TRPM3: variants seen among roughly 807,000 people sequenced by gnomAD.
The protein encoded by TRPM3 is transient receptor potential cation channel subfamily M member 3, also known as long transient receptor potential channel 3.
Under a neutral mutation model 181.2 loss-of-function variants are expected in TRPM3, and 77 were observed. That is an observed-to-expected ratio of 0.42 (90% CI 0.35 to 0.51). The LOEUF is 0.51. TRPM3 is among the 20% of genes least tolerant of loss of function. The pLI, the probability that TRPM3 is intolerant of heterozygous loss-of-function variation, is 0.01. For synonymous variants in TRPM3, 745 were observed against 796.4 expected (o/e 0.94, Z 1.09); for missense variants, 1,759 against 2,196.7 (o/e 0.80, Z 3.98).
chr9:71,016,958 C>T (rs758746013), intron 1 of TRPM3, among the ~76,000 whole-genome samples: 4 of 152,100 alleles, frequency 2.6e-5, no homozygotes, highest in Non-Finnish European at 4.4e-5. Flanking sequence ...AAAGTGGTAT[C>T]TCACTGCAGA....
At chr9:70,784,452 C>A (rs1411064149) in intron 6 of TRPM3, among the ~76,000 whole-genome samples, 173 bp from the exon 7 acceptor site, 1 of 152,082 alleles carries the variant, frequency 6.6e-6, no homozygotes, top group Non-Finnish European at 1.5e-5. Context: ...AACCCTTCAG[C>A]CAAATTTTCC....
chr9:71,010,402 A>C (rs538826151), intron 1 of TRPM3, among the ~76,000 whole-genome samples: 1 of 152,192 alleles, frequency 6.6e-6, no homozygotes, highest in South Asian at 2.1e-4. Flanking sequence ...ACAAACAAAA[A>C]AACAAAACAA....
intron 25 of TRPM3, among the ~76,000 whole-genome samples, chr9:70,538,909 C>T (rs1395800137): frequency 6.6e-5 from 10 of 152,162 alleles, no homozygotes; most frequent in Admixed American, 3.3e-4. Context: ...TTTTCACTTG[C>T]TCAAATTAAC....
In TRPM3 at chr9:70,543,554, G is replaced by C. The variant is rs2044061013; in HGVS notation, c.3707+5988C>G. Among the ~76,000 whole-genome samples the C allele has an allele frequency of 1.3e-5, 2 of 151,918 alleles. 1 individual carries two copies. The highest frequency in any genetic ancestry group is 4.1e-4 in the South Asian group (2 of 4,820). On this transcript the variant is annotated intron_variant, in intron 25 of 25. Transcript: ENST00000677713. ...ACTCTTTATGTCCATGAACTTAATT[G>C]ATTTGATTTTTAGATCCCACAAATA... is the stretch of plus-strand genomic sequence containing the variant.
chr9:70,538,619 G>A (rs2042417097), intron 25 of TRPM3, among the ~76,000 whole-genome samples: 2 of 151,864 alleles, frequency 1.3e-5, no homozygotes, highest in African/African-American at 4.8e-5. Flanking sequence ...GTAGAGACAG[G>A]GGCTTGCTGT....
At chr9:70,931,038 C>T (rs924705201) in intron 1 of TRPM3, among the ~76,000 whole-genome samples, 1 of 151,858 alleles carries the variant, frequency 6.6e-6, no homozygotes, top group Non-Finnish European at 1.5e-5. Flanking sequence ...TAAAGAGTGG[C>T]TTTTTTTGTT....
At chr9:70,951,081 A>T (rs1014941239) in intron 1 of TRPM3, among the ~76,000 whole-genome samples, 3 of 151,954 alleles carry the variant, frequency 2.0e-5, no homozygotes, top group African/African-American at 7.3e-5. Flanking sequence ...TTTAAAGGGT[A>T]TAGTGACAGA....
intron 5 of TRPM3, among the ~76,000 whole-genome samples, chr9:70,833,350 T>C (rs1384455488): frequency 6.6e-6 from 1 of 152,186 alleles, no homozygotes; most frequent in Non-Finnish European, 1.5e-5. Flanking sequence ...CATTACCTAC[T>C]GAATTATGAA....
chr9:71,097,165 G>A (rs2067443343), intron 1 of TRPM3, among the ~76,000 whole-genome samples: 1 of 151,736 alleles, frequency 6.6e-6, no homozygotes, highest in South Asian at 2.1e-4. Flanking sequence ...AATGCTCTAT[G>A]CTTATTAAAA....
intron 1 of TRPM3, among the ~76,000 whole-genome samples, chr9:70,987,627 T>C (rs2097434481): frequency 6.6e-6 from 1 of 152,074 alleles, no homozygotes. Context: ...TTCAAAGAGG[T>C]TCTTTCTGTC....
At chr9:70,688,245 AATTCT>A (rs2067499767) in intron 8 of TRPM3, among the ~76,000 whole-genome samples, 1 of 152,238 alleles carries the variant, frequency 6.6e-6, no homozygotes, top group East Asian at 1.9e-4. Flanking sequence ...TAAAGCTAAA[AATTCT>A]TAGCAGGGCA....
chr9:70,858,939 G>A (rs903040484), intron 3 of TRPM3, among the ~76,000 whole-genome samples: 1 of 152,140 alleles, frequency 6.6e-6, no homozygotes, highest in South Asian at 2.1e-4. Context: ...GAAGGTCAGG[G>A]GCGGGTATGT....
chr9:70,819,901 G>A (rs918841905), intron 6 of TRPM3, among the ~76,000 whole-genome samples: 1 of 152,078 alleles, frequency 6.6e-6, no homozygotes, highest in Non-Finnish European at 1.5e-5. Flanking sequence ...CAATCAAATG[G>A]AGCCTGAAGA....
rs1364470901 is a variant in TRPM3, at chr9:70,810,193, C to G, written c.973+17654G>C. On this transcript the variant is annotated intron_variant, in intron 6 of 25. Coordinates refer to ENST00000677713, the MANE Select transcript of TRPM3 (RefSeq NM_001366145.2). ...GAGGTCCTCTGCTTGCCTCCACCCC[C>G]ACCCTCCTCTCCATCACCCTGTCCT... 4 of 425,576 alleles carry G rather than the reference C, an allele frequency of 9.4e-6. No individual in the cohort carries two copies. In the Admixed American group the frequency reaches 9.9e-5, roughly 11 times the overall value. 26.4% of individuals were successfully genotyped at this position (425,576 alleles called of 1,614,324 possible).
upstream of TRPM3, among the ~76,000 whole-genome samples, chr9:71,124,707 G>T (rs1043967041): frequency 2.0e-5 from 3 of 152,068 alleles, no homozygotes; most frequent in Non-Finnish European, 2.9e-5. Context: ...TGAAGACCAC[G>T]TTCCTTCTCT....
intron 1 of TRPM3, among the ~76,000 whole-genome samples, chr9:71,226,939 C>T (rs2080705857): frequency 6.6e-6 from 1 of 151,802 alleles, no homozygotes; most frequent in African/African-American, 2.4e-5. Flanking sequence ...GCAGAGTACA[C>T]ATTCTTCTTC....
intron 9 of TRPM3, among the ~76,000 whole-genome samples, chr9:70,646,593 A>G (rs940266298): frequency 3.9e-5 from 6 of 152,136 alleles, no homozygotes; most frequent in Admixed American, 3.9e-4. Context: ...GGGGAGGGAT[A>G]GCATTAGGAG....
intron 9 of TRPM3, among the ~76,000 whole-genome samples, chr9:70,647,918 A>C (rs1688482979): frequency 6.6e-6 from 1 of 152,220 alleles, no homozygotes; most frequent in Admixed American, 6.5e-5. Flanking sequence ...TGAGAGACAA[A>C]TCAAGAATGC....
chr9:71,080,488 T>C (rs553727708), intron 1 of TRPM3, among the ~76,000 whole-genome samples: 44 of 152,302 alleles, frequency 2.9e-4, no homozygotes, highest in African/African-American at 7.2e-4. Context: ...AGTAGCCATA[T>C]TGACATTCTT....
Sources: allele counts gnomAD v4.1 joint callset (sites outside exome capture counted in the v4.1 genomes callset), GRCh38; gene constraint gnomAD v4.1.1; transcripts MANE v1.5; gene names NCBI Gene and HGNC (gene_info 2026-07-23, HGNC 2026-07-21).